Variants in ABTB2 observed in about 807,000 individuals in gnomAD.
ABTB2 encodes the protein ankyrin repeat and BTB/POZ domain-containing protein 2.
In ABTB2, 56 loss-of-function variants were observed where a neutral mutation model predicts 104.1. The observed-to-expected ratio is 0.54, with a 90% CI of 0.43 to 0.67. ABTB2 has a LOEUF of 0.67. Ranked by LOEUF, ABTB2 falls within the 30% of genes least tolerant of loss-of-function variation. The probability of loss-of-function intolerance (pLI) is 0.00; values close to 1 mark genes in which losing one functional copy is unlikely to be tolerated. For missense variants in ABTB2, 1,279 were observed against 1,407.7 expected (o/e 0.91, Z 1.46); for synonymous variants, 606 against 608.2 (o/e 1.00, Z 0.05).
At position 34,357,501 on chromosome 11, in the gene ABTB2, C is replaced by G; in HGVS notation, c.83G>C (p.Arg28Pro). Reference protein sequence around the residue: ...DSGYGAGDSCRSLSLSSSKSN... With the variant: ...DSGYGAGDSCPSLSLSSSKSN... Reference sequence around the variant, plus strand: ...CTTGGAGGACGAGAGGCTGAGCGAGCGGCACGAGTCCCCGGCCCCATACCC... The same window carrying G: ...CTTGGAGGACGAGAGGCTGAGCGAGGGGCACGAGTCCCCGGCCCCATACCC... Residue 28 changes from arginine to proline, a missense_variant, in exon 1 of 17, where the codon CGC (arginine) becomes CCC (proline). Physicochemically the swap from Arg to Pro is moderately radical, Grantham distance 103 (BLOSUM62 -2). Coordinates refer to ENST00000435224, the MANE Select transcript of ABTB2 (RefSeq NM_145804.3). The G allele has an allele frequency of 6.5e-7, 1 of 1,542,084 alleles. No homozygotes were observed. Among genetic ancestry groups the G allele is most frequent in the African/African-American group, 1.4e-5 (1 of 73,136 alleles).
chr11:34,154,315 A>C lies in ABTB2; in HGVS notation c.2830T>G (p.Ser944Ala). Residue 944 changes from serine to alanine, a missense_variant, in exon 16 of 17, where the codon TCC (serine) becomes GCC (alanine). By Grantham distance (99) the Ser-to-Ala change is moderately conservative. Coordinates refer to ENST00000435224, the MANE Select transcript of ABTB2 (RefSeq NM_145804.3). This position sits in a 1 kb window ranked among gnomAD's most constrained non-coding sequence, Gnocchi z 4.9. The stretch of plus-strand genomic sequence containing the variant: ...GCACTCTCCATGCTGAGGGTCTGGG[A>C]GCACAGGATCTCGCAGTGCCTCTGC... ...ALQRHCEILCSQTLSMESAVN... is the reference protein window; with the variant it reads ...ALQRHCEILCAQTLSMESAVN... 1 of 1,614,098 alleles carries C rather than the reference A, an allele frequency of 6.2e-7. No individual in the cohort carries two copies. The highest frequency in any genetic ancestry group is 8.5e-7 in the Non-Finnish European group (1 of 1,179,992).
At chr11:34,291,887 G>C (rs1171806546) in intron 1 of ABTB2, among the ~76,000 whole-genome samples, 1 of 151,886 alleles carries the variant, frequency 6.6e-6, no homozygotes, top group Non-Finnish European at 1.5e-5. Flanking sequence ...AAACATCCTT[G>C]CTTGTAGCTA....
At chr11:34,182,731 C>T (rs1196325505) in intron 3 of ABTB2, among the ~76,000 whole-genome samples, 2 of 151,970 alleles carry the variant, frequency 1.3e-5, no homozygotes, top group Non-Finnish European at 2.9e-5. Context: ...ACAATCAGGG[C>T]CTTCAGGAGT....
chr11:34,283,443 T>C (rs767969804), intron 1 of ABTB2, among the ~76,000 whole-genome samples: 25 of 152,204 alleles, frequency 1.6e-4, no homozygotes, highest in Non-Finnish European at 3.5e-4. Flanking sequence ...CTCGAACTCC[T>C]GACCTCAAGT....
At chr11:34,199,043 T>C (rs1210297069) in intron 2 of ABTB2, among the ~76,000 whole-genome samples, 4 of 152,254 alleles carry the variant, frequency 2.6e-5, no homozygotes, top group Non-Finnish European at 4.4e-5. Flanking sequence ...TCTGGTGTTC[T>C]GTTCCGTTGT....
At chr11:34,152,755 GT>G (rs1852563622) in intron 16 of ABTB2, among the ~76,000 whole-genome samples, 171 bp from the exon 17 acceptor site, 1 of 152,172 alleles carries the variant, frequency 6.6e-6, no homozygotes, top group Admixed American at 6.5e-5. Context: ...TATCTGAACT[GT>G]TCAGCCCCCG....
rs1852784929 is a variant in ABTB2 at position 34,165,361 on chromosome 11, CA to C, written c.1756-6del. On this transcript the variant is annotated splice_polypyrimidine_tract_variant and splice_region_variant and intron_variant, in intron 7 of 16. Transcript: ENST00000435224. ...GGCACCAGCATCCAGCAGCAACTGC[CA>C]GGGGCACAGAGGAGGAGGGCACTGC... The C allele has an allele frequency of 2.5e-6, 4 of 1,582,474 alleles. No individual in the cohort carries two copies. In the East Asian group the frequency reaches 7.0e-5, roughly 28 times the overall value.
chr11:34,283,969 G>C (rs1268944596), intron 1 of ABTB2, among the ~76,000 whole-genome samples: 1 of 152,218 alleles, frequency 6.6e-6, no homozygotes. Flanking sequence ...CTAAAGGAGG[G>C]CTTCCCTACC....
chr11:34,163,815 G>T (rs1453221930), intron 9 of ABTB2, among the ~76,000 whole-genome samples: 1 of 152,236 alleles, frequency 6.6e-6, no homozygotes, highest in Non-Finnish European at 1.5e-5. Flanking sequence ...TGTCCCAAGG[G>T]TCCTGTGCTC....
At chr11:34,174,324 C>CAAA (rs545699866) in intron 3 of ABTB2, among the ~76,000 whole-genome samples, 14 of 114,896 alleles carry the variant, frequency 1.2e-4, no homozygotes, top group African/African-American at 4.4e-4. Context: ...GACTCCGTCT[C>CAAA]AAAAAAAAAA....
intron 1 of ABTB2, among the ~76,000 whole-genome samples, chr11:34,286,244 A>G (rs1854503016): frequency 6.6e-6 from 1 of 151,212 alleles, no homozygotes; most frequent in African/African-American, 2.4e-5. Flanking sequence ...GATCGTTTGG[A>G]GCCAGGAGTT....
intron 1 of ABTB2, among the ~76,000 whole-genome samples, chr11:34,279,406 T>C (rs1042339587): frequency 2.6e-5 from 4 of 152,138 alleles, no homozygotes; most frequent in African/African-American, 7.2e-5. Context: ...CGGTCTGTTC[T>C]TTACTTTAAT....
Position 34,356,931 on chromosome 11 carries a change from C to G in ABTB2, c.653G>C (p.Arg218Pro). The change falls in exon 1 of 17, where the codon CGA becomes CCA. Residue 218 changes from arginine to proline, a missense_variant. Physicochemically the swap from Arg to Pro is moderately radical, Grantham distance 103. Transcript: ENST00000435224. The surrounding 1 kb of genome is among the most constrained non-coding windows in gnomAD (Gnocchi z 4.6). ...GTACTCGTGGATGCGCACGGAGATT[C>G]GGGTGTCCACCATCCAGCGGAAAAA... ...GRFFRWMVDT[R>P]ISVRIHEYAA... 6.2e-7 allele frequency: 1 copy of G among 1,601,246 alleles called. No individual in the cohort carries two copies. The highest frequency in any genetic ancestry group is 8.5e-7 in the Non-Finnish European group (1 of 1,174,256).
intron 1 of ABTB2, among the ~76,000 whole-genome samples, chr11:34,281,508 AC>A (rs1015228282): frequency 6.6e-6 from 1 of 152,108 alleles, no homozygotes; most frequent in African/African-American, 2.4e-5. Flanking sequence ...CAATCCTGTA[AC>A]CTTCACCAAC....
At position 34,278,095 on chromosome 11, in the gene ABTB2, G is replaced by T. The variant is rs144139553; in HGVS notation, c.884-73405C>A. On this transcript the variant is annotated intron_variant, in intron 1 of 16. Coordinates refer to ENST00000435224, the MANE Select transcript of ABTB2 (RefSeq NM_145804.3). ...TGGGATTACAGGCGTGAGCCACTGC[G>T]CCTGGCTCAGATTCTCCTTTCTTAA... Among the ~76,000 whole-genome samples, 341 of 151,882 alleles carry T rather than the reference G, an allele frequency of 2.2e-3. 3 individuals carry two copies. The highest frequency in any genetic ancestry group is 7.8e-3 in the African/African-American group (324 of 41,400).
chr11:34,310,260 A>G (rs143150582), intron 1 of ABTB2, among the ~76,000 whole-genome samples: 1 of 152,122 alleles, frequency 6.6e-6, no homozygotes, highest in Admixed American at 6.5e-5. Context: ...CCACTTTATT[A>G]TTCCACAGAT....
At chr11:34,347,884 C>T (rs143251027) in intron 1 of ABTB2, among the ~76,000 whole-genome samples, 16 of 151,516 alleles carry the variant, frequency 1.1e-4, no homozygotes, top group East Asian at 1.9e-4. Context: ...GACTTAACAC[C>T]GAAAAAAAAA....
chr11:34,334,719 G>T (rs1358593473), intron 1 of ABTB2, among the ~76,000 whole-genome samples: 4 of 150,198 alleles, frequency 2.7e-5, no homozygotes, highest in African/African-American at 9.8e-5. Flanking sequence ...CTCTTACATG[G>T]TATTTACTGT....
intron 1 of ABTB2, among the ~76,000 whole-genome samples, chr11:34,333,011 C>T (rs984297371): frequency 1.3e-5 from 2 of 152,158 alleles, no homozygotes; most frequent in Non-Finnish European, 2.9e-5. Context: ...AAACAAACAG[C>T]TTTAACTTAT....
Sources: allele counts gnomAD v4.1 joint callset (sites outside exome capture counted in the v4.1 genomes callset), GRCh38; gene constraint gnomAD v4.1.1; non-coding constraint Gnocchi (gnomAD v3.1); transcripts MANE v1.5; gene names NCBI Gene and HGNC (gene_info 2026-07-23, HGNC 2026-07-21).